Variants in ANO4 observed in about 807,000 individuals in gnomAD.
The protein encoded by ANO4 is anoctamin-4.
A neutral mutation model predicts 141.9 loss-of-function variants in ANO4; 69 were observed. The observed-to-expected ratio is 0.49, with a 90% CI of 0.40 to 0.59. The LOEUF (loss-of-function observed/expected upper bound fraction) is 0.59, where lower values mean the gene tolerates loss of function less well. Ranked by LOEUF, ANO4 falls within the 20% of genes least tolerant of loss-of-function variation. The pLI, the probability that ANO4 is intolerant of heterozygous loss-of-function variation, is 0.00. For synonymous variants in ANO4, 350 were observed against 394.3 expected (o/e 0.89, Z 1.33); for missense variants, 894 against 1,162.2 (o/e 0.77, Z 3.36).
chr12:100,805,774 A>G lies in ANO4; in HGVS notation c.-141+10747A>G, dbSNP rs887060433. Among the ~76,000 whole-genome samples, 15 of 152,052 alleles carry G rather than the reference A, an allele frequency of 9.9e-5. No homozygotes were observed. The East Asian group carries it at 2.9e-3, about 29-fold the overall frequency. ...ATGATTTTAGGGTAAATCTTTTTGG[A>G]GGGATCTCACTTTTTTTTTATTCAG... On this transcript the variant is annotated intron_variant, in intron 1 of 27. Transcript: ENST00000392977.
intron 7 of ANO4, among the ~76,000 whole-genome samples, chr12:100,983,548 T>C (rs1480881100): frequency 2.0e-5 from 3 of 152,210 alleles, no homozygotes; most frequent in African/African-American, 7.2e-5. Flanking sequence ...ATTCAGTTCA[T>C]GTAATCATAG....
intron 1 of ANO4, among the ~76,000 whole-genome samples, chr12:100,826,979 G>A (rs945903764): frequency 1.2e-4 from 19 of 152,034 alleles, no homozygotes; most frequent in Non-Finnish European, 1.9e-4. Flanking sequence ...TCCCTGTAAT[G>A]GACTTCTAAC....
In ANO4 at chr12:101,005,300, T is replaced by TA. The variant is rs568102747; in HGVS notation, c.735-14726dup. On this transcript the variant is annotated intron_variant, in intron 8 of 27. Coordinates refer to ENST00000392977, the MANE Select transcript of ANO4 (RefSeq NM_001286615.2). ...ATATTTCCAGACTTGTTTTATAGATTAAAAAAAATGATTTCCTCTTTATTC... is the reference window on the plus strand; with the variant it reads ...ATATTTCCAGACTTGTTTTATAGATTAAAAAAAAATGATTTCCTCTTTATTC... Among the ~76,000 whole-genome samples, 259 of 152,068 alleles carry TA rather than the reference T, an allele frequency of 1.7e-3. 1 individual carries two copies. Among genetic ancestry groups the TA allele is most frequent in the African/African-American group, 4.9e-3 (205 of 41,500 alleles).
At chr12:100,789,314 T>A (rs1249235807) in intron 3 of ANO4, among the ~76,000 whole-genome samples, 1 of 152,146 alleles carries the variant, frequency 6.6e-6, no homozygotes, top group Admixed American at 6.5e-5. Flanking sequence ...TCATCCTAAC[T>A]GCAGACCAGC....
intron 8 of ANO4, among the ~76,000 whole-genome samples, chr12:100,999,299 G>T (rs2045534964): frequency 6.6e-6 from 1 of 152,172 alleles, no homozygotes; most frequent in Non-Finnish European, 1.5e-5. Flanking sequence ...TTAGCCCATG[G>T]CTTCTTCCTT....
At chr12:100,755,324 C>T (rs1361009611) in intron 3 of ANO4, among the ~76,000 whole-genome samples, 4 of 152,092 alleles carry the variant, frequency 2.6e-5, no homozygotes, top group South Asian at 2.1e-4. Context: ...GTTCAGATGC[C>T]GATTCCTCCT....
intron 7 of ANO4, 26 bp downstream of exon 7, chr12:100,974,915 G>GT: frequency 1.9e-6 from 3 of 1,613,352 alleles, no homozygotes; most frequent in Non-Finnish European, 2.5e-6. Flanking sequence ...TGTCCTGACA[G>GT]TGTTTGTCTT....
chr12:100,816,617 T>C (rs886240036), intron 1 of ANO4, among the ~76,000 whole-genome samples: 43 of 151,986 alleles, frequency 2.8e-4, no homozygotes, highest in South Asian at 2.1e-3. Flanking sequence ...TTTTAAGAAA[T>C]AGTAGAAATT....
chr12:100,768,730 A>G (rs2033183306), intron 3 of ANO4, among the ~76,000 whole-genome samples: 1 of 152,212 alleles, frequency 6.6e-6, no homozygotes, highest in Non-Finnish European at 1.5e-5. Flanking sequence ...TGGTTTTACT[A>G]GTATTTCTGA....
intron 2 of ANO4, among the ~76,000 whole-genome samples, chr12:100,904,979 G>A (rs1248444172): frequency 6.6e-6 from 1 of 152,094 alleles, no homozygotes; most frequent in African/African-American, 2.4e-5. Context: ...TTGGATGTAG[G>A]GTAAAAGAGA....
At chr12:100,990,494 A>C (rs2045043350) in intron 8 of ANO4, among the ~76,000 whole-genome samples, 1 of 152,220 alleles carries the variant, frequency 6.6e-6, no homozygotes, top group Non-Finnish European at 1.5e-5. Context: ...CAACTCTCTC[A>C]CATATTTGAG....
intron 3 of ANO4, among the ~76,000 whole-genome samples, chr12:100,773,925 T>C (rs566885386): frequency 6.6e-6 from 1 of 152,326 alleles, no homozygotes; most frequent in Admixed American, 6.5e-5. Flanking sequence ...TATGGCCCAC[T>C]TCCTGGTTTT....
At chr12:101,126,241 A>G (rs893215797) in intron 26 of ANO4, among the ~76,000 whole-genome samples, 1 of 152,202 alleles carries the variant, frequency 6.6e-6, no homozygotes, top group Non-Finnish European at 1.5e-5. Context: ...TAGAATTGTA[A>G]TAGCCCTTAA....
At chr12:100,943,377 C>G (rs185936094) in intron 5 of ANO4, among the ~76,000 whole-genome samples, 1 of 152,308 alleles carries the variant, frequency 6.6e-6, no homozygotes, top group East Asian at 1.9e-4. Flanking sequence ...TCTTTGAAGT[C>G]AGACATCCAG....
At chr12:100,892,722 T>A (rs545945992) in intron 1 of ANO4, among the ~76,000 whole-genome samples, 13 of 152,356 alleles carry the variant, frequency 8.5e-5, no homozygotes, top group African/African-American at 2.4e-4. Flanking sequence ...GTAAATGATA[T>A]GTAAATAGTT....
intron 14 of ANO4, among the ~76,000 whole-genome samples, chr12:101,049,979 A>G (rs1350431094): frequency 6.6e-6 from 1 of 152,206 alleles, no homozygotes; most frequent in African/African-American, 2.4e-5. Context: ...GTAAAGGGAA[A>G]TAGGGAGTTA....
At chr12:100,995,902 G>A (rs138944814) in intron 8 of ANO4, among the ~76,000 whole-genome samples, 14 of 152,290 alleles carry the variant, frequency 9.2e-5, no homozygotes, top group African/African-American at 3.1e-4. Flanking sequence ...TTACCGCTGG[G>A]GGACAGAGCC....
intron 2 of ANO4, among the ~76,000 whole-genome samples, chr12:100,906,629 ATTGAGTAG>A (rs1308830498): frequency 1.3e-5 from 2 of 152,170 alleles, no homozygotes; most frequent in Non-Finnish European, 2.9e-5. Context: ...TGAGTCAAGA[ATTGAGTAG>A]CTTTGGGAAG....
intron 1 of ANO4, among the ~76,000 whole-genome samples, chr12:100,869,994 G>A (rs2038953263): frequency 6.6e-6 from 1 of 152,114 alleles, no homozygotes; most frequent in Non-Finnish European, 1.5e-5. Context: ...TTCTACCTGT[G>A]TTTCTCAACA....
Sources: allele counts gnomAD v4.1 joint callset (sites outside exome capture counted in the v4.1 genomes callset), GRCh38; gene constraint gnomAD v4.1.1; transcripts MANE v1.5; gene names NCBI Gene and HGNC (gene_info 2026-07-23, HGNC 2026-07-21).